PCSK5: variants seen among roughly 807,000 people sequenced by gnomAD.
PCSK5 encodes the protein proprotein convertase subtilisin/kexin type 5.
In PCSK5, 129 loss-of-function variants were observed where a neutral mutation model predicts 233.2. That is an observed-to-expected ratio of 0.55 (90% CI 0.48 to 0.64). The LOEUF (loss-of-function observed/expected upper bound fraction) is 0.64. Ranked by LOEUF, PCSK5 falls within the 30% of genes least tolerant of loss-of-function variation. The pLI, the probability that PCSK5 is intolerant of heterozygous loss-of-function variation, is 0.00. For synonymous variants in PCSK5, 825 were observed against 879.2 expected, an observed-to-expected ratio of 0.94 and a Z score of 1.09; for missense variants, 2,076 against 2,430.1, an observed-to-expected ratio of 0.85 and a Z score of 3.06.
chr9:75,997,439 T>C (rs1234812474), intron 3 of PCSK5, among the ~76,000 whole-genome samples: 3 of 152,196 alleles, frequency 2.0e-5, no homozygotes, highest in African/African-American at 7.2e-5. Context: ...TGCACATCAA[T>C]ATGATTTTTC....
intron 20 of PCSK5, among the ~76,000 whole-genome samples, chr9:76,190,545 A>G (rs1824322969): frequency 6.6e-6 from 1 of 152,012 alleles, no homozygotes; most frequent in Non-Finnish European, 1.5e-5. Flanking sequence ...ACAAAGTTTT[A>G]GGAAACTTTA....
In PCSK5 at chr9:76,358,528, G is replaced by A. The variant is rs141281372; in HGVS notation, c.5270G>A (p.Arg1757Gln). The A allele has an allele frequency of 3.1e-4, 496 of 1,609,526 alleles. 2 individuals are homozygous for A. In the African/African-American group the frequency reaches 4.6e-3, roughly 15 times the overall value. Residue 1757 changes from arginine to glutamine, a missense_variant, in exon 38 of 38, where the codon CGA becomes CAA. Physicochemically the swap from Arg to Gln is conservative, Grantham distance 43. Around this residue, in one of 6 missense-constraint regions of PCSK5, gnomAD observed 1,510 missense variants for 1,538.1 expected, o/e 0.98. Coordinates refer to ENST00000674117, the MANE Select transcript of PCSK5 (RefSeq NM_001372043.1). ...CQDTTDECIL[R>Q]TSKVRPATEH... Reference sequence around the variant, plus strand: ...CTTCCAACAGACGAATGCATCCTTCGAACAAGCAAGGTTAGGCCTGCAACT... The same window carrying A: ...CTTCCAACAGACGAATGCATCCTTCAAACAAGCAAGGTTAGGCCTGCAACT...
chr9:76,033,795 C>A (rs533635787), intron 5 of PCSK5, among the ~76,000 whole-genome samples: 14 of 152,174 alleles, frequency 9.2e-5, no homozygotes, highest in African/African-American at 2.9e-4. Context: ...GTAGAAGGGA[C>A]AAACAAGCCC....
intron 20 of PCSK5, among the ~76,000 whole-genome samples, chr9:76,190,197 C>A (rs1824303372): frequency 6.6e-6 from 1 of 152,136 alleles, no homozygotes; most frequent in African/African-American, 2.4e-5. Flanking sequence ...TTAGGGCTCA[C>A]TCTTGGTTAT....
At chr9:76,154,313 T>G (rs1365070692) in intron 10 of PCSK5, among the ~76,000 whole-genome samples, 4 of 152,288 alleles carry the variant, frequency 2.6e-5, no homozygotes, top group African/African-American at 7.2e-5. Context: ...GGAAACAAAT[T>G]TATGGCCTTC....
intron 20 of PCSK5, chr9:76,194,704 G>A (rs933301517): frequency 4.4e-6 from 2 of 457,220 alleles, no homozygotes; most frequent in Non-Finnish European, 9.1e-6. Flanking sequence ...TTGGATTAGT[G>A]GCCAGAAACG....
At chr9:76,244,861 T>C (rs1204690827) in intron 24 of PCSK5, among the ~76,000 whole-genome samples, 2 of 152,206 alleles carry the variant, frequency 1.3e-5, no homozygotes, top group Non-Finnish European at 2.9e-5. Flanking sequence ...CTTTGTCAAG[T>C]TGTAAACAAA....
chr9:75,929,196 G>C (rs1405331861), intron 1 of PCSK5, among the ~76,000 whole-genome samples: 1 of 152,156 alleles, frequency 6.6e-6, no homozygotes, highest in Non-Finnish European at 1.5e-5. Context: ...GCCTCCCAAA[G>C]TGATGGGATT....
intron 33 of PCSK5, among the ~76,000 whole-genome samples, chr9:76,329,306 C>T (rs1312091601): frequency 6.6e-6 from 1 of 151,696 alleles, no homozygotes; most frequent in Non-Finnish European, 1.5e-5. Context: ...ATGCCTGGCC[C>T]TTCCATGTCA....
At chr9:75,907,466 C>T (rs1183757229) in intron 1 of PCSK5, among the ~76,000 whole-genome samples, 2 of 152,046 alleles carry the variant, frequency 1.3e-5, no homozygotes. Flanking sequence ...TGTGTGGATT[C>T]GAAAGTCCAG....
chr9:75,967,783 CAG>C (rs1825654640), intron 2 of PCSK5, among the ~76,000 whole-genome samples: 2 of 149,158 alleles, frequency 1.3e-5, no homozygotes, highest in Non-Finnish European at 3.0e-5. Flanking sequence ...TTTTTTGAGT[CAG>C]AGTTTCACTC....
intron 33 of PCSK5, among the ~76,000 whole-genome samples, chr9:76,329,596 A>G (rs540357822): frequency 6.6e-6 from 1 of 152,106 alleles, no homozygotes; most frequent in African/African-American, 2.4e-5. Flanking sequence ...GCACTTTGGG[A>G]GGCTGAGGTG....
rs549895983 is a variant in PCSK5 at position 76,330,875 on chromosome 9, G to A, written c.4571-1558G>A. 3.3e-5 allele frequency among the ~76,000 whole-genome samples: 5 copies of A among 152,066 alleles called. No homozygotes were observed. The East Asian group carries it at 5.8e-4, about 18-fold the overall frequency. On this transcript the variant is annotated intron_variant, in intron 33 of 37. Coordinates refer to ENST00000674117, the MANE Select transcript of PCSK5 (RefSeq NM_001372043.1). The stretch of plus-strand genomic sequence containing the variant: ...TCATAAAAGCATTCCCTCCAGCCAC[G>A]TCTCCCAGGTAATCCCACCCCGTCG...
intron 24 of PCSK5, among the ~76,000 whole-genome samples, chr9:76,265,413 GA>G (rs202227346): frequency 6.3e-4 from 94 of 150,304 alleles, no homozygotes; most frequent in Middle Eastern, 3.4e-3. Flanking sequence ...GAAAAAAGGT[GA>G]AAAAAAAATT....
chr9:76,224,539 A>C (rs1256455023), intron 20 of PCSK5, among the ~76,000 whole-genome samples: 1 of 152,168 alleles, frequency 6.6e-6, no homozygotes, highest in Non-Finnish European at 1.5e-5. Flanking sequence ...CAGGTGGGGG[A>C]TGCAAGCTAG....
chr9:76,045,455 A>G (rs1482540053), intron 5 of PCSK5, among the ~76,000 whole-genome samples: 1 of 152,218 alleles, frequency 6.6e-6, no homozygotes, highest in Non-Finnish European at 1.5e-5. Context: ...CCCCATGCCA[A>G]CTGAGAGCTG....
At chr9:75,970,108 GT>G (rs1275798419) in intron 2 of PCSK5, among the ~76,000 whole-genome samples, 2 of 151,986 alleles carry the variant, frequency 1.3e-5, no homozygotes. Context: ...CCTGACCTCA[GT>G]TGATCCGCCC....
intron 1 of PCSK5, among the ~76,000 whole-genome samples, chr9:75,918,633 A>G (rs1299610615): frequency 4.6e-5 from 7 of 152,202 alleles, no homozygotes; most frequent in Non-Finnish European, 7.3e-5. Flanking sequence ...TGACTCCATC[A>G]TGTAGCATAA....
At chr9:76,218,623 T>C (rs866838037) in intron 20 of PCSK5, among the ~76,000 whole-genome samples, 2 of 152,280 alleles carry the variant, frequency 1.3e-5, no homozygotes, top group Middle Eastern at 3.4e-3. Flanking sequence ...CTTCTGGTGC[T>C]GTAGGTCTGT....
Sources: gnomAD v4.1 joint callset for allele counts (sites outside exome capture counted in the v4.1 genomes callset) on GRCh38, gnomAD v4.1.1 for gene constraint, gnomAD v4.1.1 regional missense constraint, MANE v1.5 for transcripts, NCBI Gene and HGNC (gene_info 2026-07-23, HGNC 2026-07-21) for gene names.